PRICKLE3: variants seen among roughly 807,000 people sequenced by gnomAD.
PRICKLE3 encodes prickle planar cell polarity protein 3.
In PRICKLE3, 17 loss-of-function variants were observed where a neutral mutation model predicts 33.8. The ratio of observed to expected loss-of-function variants is 0.50; its 90% CI spans 0.34 to 0.75. PRICKLE3 has a LOEUF of 0.75. Ranked by LOEUF, PRICKLE3 falls within the 30% of genes least tolerant of loss-of-function variation. PRICKLE3 has a pLI of 0.01. For missense variants in PRICKLE3, 573 were observed against 576.7 expected (o/e 0.99, Z 0.07); for synonymous variants, 211 against 219.6 (o/e 0.96, Z 0.34).
Position 49,178,308 on chromosome X carries a change from G to T in PRICKLE3, c.732C>A (p.Ala244=). 8.3e-7 allele frequency: 1 copy of T among 1,202,464 alleles called. No individual in the cohort carries two copies. The highest frequency in any genetic ancestry group is 1.1e-6 in the Non-Finnish European group (1 of 890,798). ...VGKVYCGRHH[A]ECLRPRCQAC... ...CTTGGCAGCGTGGACGCAGGCATTC[G>T]GCATGGTGACGCCCGCAGTAGACCT... Residue 244 remains alanine (A), a synonymous_variant, in exon 6 of 9, where the codon GCC becomes GCA. Coordinates refer to ENST00000599218, the MANE Select transcript of PRICKLE3 (RefSeq NM_006150.5).
At chrX:49,182,724 C>T (rs782022502) in intron 3 of PRICKLE3, among the ~76,000 whole-genome samples, 7 of 112,185 alleles carry the variant, frequency 6.2e-5, no homozygotes, top group African/African-American at 1.9e-4. Flanking sequence ...CCCCACCTTC[C>T]TTGCTTTTTA....
intron 3 of PRICKLE3, among the ~76,000 whole-genome samples, chrX:49,181,795 T>G (rs1008672208): frequency 9.5e-6 from 1 of 104,982 alleles, no homozygotes; most frequent in Non-Finnish European, 1.9e-5. Context: ...TACAGGCATG[T>G]GCCACCACGC....
At chrX:49,183,151 A>G (rs782505740) in intron 3 of PRICKLE3, among the ~76,000 whole-genome samples, 1 of 112,157 alleles carries the variant, frequency 8.9e-6, no homozygotes, top group South Asian at 3.7e-4. Context: ...TGTTTTGCTC[A>G]TTGCTGTGTC....
intron 3 of PRICKLE3, among the ~76,000 whole-genome samples, chrX:49,182,752 C>T (rs1189536611): frequency 8.9e-6 from 1 of 111,766 alleles, no homozygotes; most frequent in African/African-American, 3.3e-5. Flanking sequence ...AGCCCTTACA[C>T]CATCTGACAT....
At position 49,178,417 on chromosome X, in the gene PRICKLE3, C is replaced by T. The variant is rs1402202838; in HGVS notation, c.623G>A (p.Gly208Asp). 8.3e-7 allele frequency: 1 copy of T among 1,210,949 alleles called. No individual in the cohort carries two copies. Among genetic ancestry groups the T allele is most frequent in the African/African-American group, 1.7e-5 (1 of 57,633 alleles). ...IAVFASRAGL[G>D]ACWHPQCFVC... ...GAAGCACTGTGGGTGCCAGCAGGCACCCAGGCCTGCACGGCTGGCAAACAC... is the reference window on the plus strand; with the variant it reads ...GAAGCACTGTGGGTGCCAGCAGGCATCCAGGCCTGCACGGCTGGCAAACAC... The change falls in exon 6 of 9, where the codon GGT becomes GAT. Residue 208 changes from glycine to aspartate, a missense_variant. Coordinates refer to ENST00000599218, the MANE Select transcript of PRICKLE3 (RefSeq NM_006150.5).
Position 49,179,295 on chromosome X carries a change from C to T in PRICKLE3, c.520G>A (p.Val174Met), listed in dbSNP as rs781907185. The change falls in exon 5 of 9, where the codon GTG becomes ATG. Residue 174 changes from valine (V) to methionine (M), a missense_variant. Coordinates refer to ENST00000599218, the MANE Select transcript of PRICKLE3 (RefSeq NM_006150.5). ...GTGATGGTCACCGGGAAGATGCGCA[C>T]GATGCCACGCCCCAGATTCTCCCGC... The part of the protein sequence containing the change: ...RKRENLGRGI[V>M]RIFPVTITGA... 9 of 1,211,290 alleles carry T rather than the reference C, an allele frequency of 7.4e-6. No homozygotes were observed. Among genetic ancestry groups the T allele is most frequent in the Admixed American group, 2.2e-5 (1 of 46,010 alleles).
chrX:49,184,492 C>G (rs1231649741), intron 2 of PRICKLE3, 133 bp downstream of exon 2: 3 of 605,600 alleles, frequency 5.0e-6, no homozygotes, highest in Non-Finnish European at 7.3e-6. Flanking sequence ...TGAATCTGAG[C>G]CTGAGGCTCT....
In PRICKLE3 at chrX:49,175,270, C is replaced by T; in HGVS notation, c.*403G>A. The T allele has an allele frequency of 5.8e-6, 1 of 172,498 alleles. No homozygotes were observed. The highest frequency in any genetic ancestry group is 3.1e-5 in the African/African-American group (1 of 32,714). 14.2% of individuals were successfully genotyped at this position (172,498 alleles called of 1,213,427 possible). ...CGGTGCGGTGGCTCATGCCTGTAATCCCAGTCCTTTGGGAGGCTGCGGGAG... is the reference window on the plus strand; with the variant it reads ...CGGTGCGGTGGCTCATGCCTGTAATTCCAGTCCTTTGGGAGGCTGCGGGAG... On this transcript the variant is annotated 3_prime_UTR_variant, in exon 9 of 9. Coordinates refer to ENST00000599218, the MANE Select transcript of PRICKLE3 (RefSeq NM_006150.5).
Position 49,174,904 on chromosome X carries a change from G to C in PRICKLE3, c.*769C>G. The C allele has an allele frequency of 2.1e-6, 1 of 474,255 alleles. No individual in the cohort carries two copies. The allele number at this position is 474,255 out of a possible 1,213,427, so 39.1% of individuals were successfully genotyped here. On this transcript the variant is annotated 3_prime_UTR_variant, in exon 9 of 9. Coordinates refer to ENST00000599218, the MANE Select transcript of PRICKLE3 (RefSeq NM_006150.5). ...ATGTGTGTGCCTAGGTCCTCCTTCT[G>C]CACGATCCAATAGGAGACACCAGTT...
At chrX:49,183,954 T>C in intron 2 of PRICKLE3, 37 bp from the exon 3 acceptor site, 4 of 1,185,241 alleles carry the variant, frequency 3.4e-6, no homozygotes, top group Non-Finnish European at 4.5e-6. Context: ...TACTAAGGAG[T>C]TGCCCACCCG....
chrX:49,177,247 G>C (rs1300580837), intron 7 of PRICKLE3, 45 bp from the exon 8 acceptor site: 5 of 1,075,519 alleles, frequency 4.6e-6, no homozygotes, highest in Non-Finnish European at 6.1e-6. Flanking sequence ...GAACCCCCAG[G>C]CGTAACCCCA....
chrX:49,181,565 G>GTACGTGTA (rs2065453043), intron 3 of PRICKLE3, among the ~76,000 whole-genome samples: 1 of 20,562 alleles, frequency 4.9e-5, no homozygotes, highest in African/African-American at 3.5e-4. Flanking sequence ...ATATATACAC[G>GTACGTGTA]TATATATACG....
rs947293678 is a variant in PRICKLE3 at position 49,179,881 on chromosome X, C to T, written c.313-75G>A. Reference sequence around the variant, plus strand: ...GGGATGCAGTGAGATGGCGGGTCCCCATTTCTCAGAAAATGAAAGGCATTA... The same window carrying T: ...GGGATGCAGTGAGATGGCGGGTCCCTATTTCTCAGAAAATGAAAGGCATTA... On this transcript the variant is annotated intron_variant, in intron 3 of 8. Transcript: ENST00000599218. The T allele has an allele frequency of 5.4e-6, 3 of 550,472 alleles. No individual in the cohort carries two copies. The South Asian group carries it at 9.4e-5, about 17-fold the overall frequency. The allele number at this position is 550,472 out of a possible 1,213,427, so 45.4% of individuals were successfully genotyped here.
Position 49,175,916 on chromosome X carries a change from G to A in PRICKLE3, c.1605C>T (p.Asp535=), listed in dbSNP as rs782194134. The A allele has an allele frequency of 2.1e-5, 26 of 1,209,433 alleles. No homozygotes were observed. Among genetic ancestry groups the A allele is most frequent in the African/African-American group, 1.4e-4 (8 of 57,085 alleles). ...HPSRRRHYQC[D]AGSGSDSESC... ...ATTCCGAGTCTGACCCTGATCCCGC[G>A]TCACATTGATAGTGGCGACGTCTGC... is the stretch of plus-strand genomic sequence containing the variant. The change falls in exon 9 of 9, where the codon GAC becomes GAT. Residue 535 remains aspartate, a synonymous_variant. Transcript: ENST00000599218.
chrX:49,184,779 G>A (rs782667155), intron 1 of PRICKLE3, 69 bp from the exon 2 acceptor site: 4 of 1,160,188 alleles, frequency 3.4e-6, no homozygotes, highest in Non-Finnish European at 4.6e-6. Flanking sequence ...GTCAACGCCC[G>A]CCCCTCCACT....
At chrX:49,185,865 C>A (rs1010676784) in intron 1 of PRICKLE3, among the ~76,000 whole-genome samples, 1 of 96,435 alleles carries the variant, frequency 1.0e-5, no homozygotes, top group Admixed American at 1.1e-4. Flanking sequence ...AGCGCCACTG[C>A]ACTCCAGCCT....
At position 49,175,047 on chromosome X, in the gene PRICKLE3, T is replaced by G. The variant is rs2065407603; in HGVS notation, c.*626A>C. The G allele has an allele frequency of 2.8e-6, 1 of 359,490 alleles. No homozygotes were observed. Among genetic ancestry groups the G allele is most frequent in the Non-Finnish European group, 4.9e-6 (1 of 205,515 alleles). 29.6% of individuals were successfully genotyped at this position (359,490 alleles called of 1,213,427 possible). ...ATAATCTCCTCGGTGTGGGTGGTGG[T>G]TCTATAGAGGGATAAATGAATAATA... is the stretch of plus-strand genomic sequence containing the variant. On this transcript the variant is annotated 3_prime_UTR_variant, in exon 9 of 9. Transcript: ENST00000599218.
rs369469761 is a variant in PRICKLE3 at position 49,178,231 on chromosome X, G to A, written c.768+41C>T. 10 of 1,197,688 alleles carry A rather than the reference G, an allele frequency of 8.3e-6. No homozygotes were observed. In the African/African-American group the frequency reaches 1.7e-4, roughly 21 times the overall value. On this transcript the variant is annotated intron_variant, in intron 6 of 8. Coordinates refer to ENST00000599218, the MANE Select transcript of PRICKLE3 (RefSeq NM_006150.5). ...GTCAGATGAGCCTGCTCCTGGCCCT[G>A]CCCACCCTCAACTCCCACCCCTGGG...
chrX:49,179,309 A>T lies in PRICKLE3; in HGVS notation c.506T>A (p.Leu169Gln), dbSNP rs2065436519. The change falls in exon 5 of 9, where the codon CTG becomes CAG. Residue 169 changes from leucine to glutamine, a missense_variant. By Grantham distance (113) the Leu-to-Gln change is moderately radical. Coordinates refer to ENST00000599218, the MANE Select transcript of PRICKLE3 (RefSeq NM_006150.5). ...GAAGATGCGCACGATGCCACGCCCC[A>T]GATTCTCCCGCTTCCGCTGCTGGCT... The part of the protein sequence containing the change: ...AFSQQRKREN[L>Q]GRGIVRIFPV... The T allele has an allele frequency of 8.3e-7, 1 of 1,211,241 alleles. No individual in the cohort carries two copies.
Sources: allele counts gnomAD v4.1 joint callset (sites outside exome capture counted in the v4.1 genomes callset), GRCh38; gene constraint gnomAD v4.1.1; transcripts MANE v1.5; gene names NCBI Gene and HGNC (gene_info 2026-07-23, HGNC 2026-07-21).